WWOX: variants seen among roughly 807,000 people sequenced by gnomAD.
WWOX encodes the protein WW domain-containing oxidoreductase.
A neutral mutation model predicts 46.2 loss-of-function variants in WWOX; 69 were observed. The observed-to-expected ratio is 1.49, with a 90% CI of 1.23 to 1.82. The LOEUF (loss-of-function observed/expected upper bound fraction) is 1.82. WWOX is among the 40% of genes most tolerant of loss of function. The pLI, the probability that WWOX is intolerant of heterozygous loss-of-function variation, is 0.00. For missense variants in WWOX, 919 were observed against 542.6 expected (o/e 1.69, Z -6.89); for synonymous variants, 359 against 202.6 (o/e 1.77, Z -6.56).
At chr16:78,353,361 C>T (rs115599523) in intron 5 of WWOX, among the ~76,000 whole-genome samples, 3 of 152,236 alleles carry the variant, frequency 2.0e-5, no homozygotes, top group African/African-American at 7.2e-5. Flanking sequence ...GAACAGATGC[C>T]ACAGCTGGGC....
intron 8 of WWOX, among the ~76,000 whole-genome samples, chr16:79,134,409 G>C (rs1489968319): frequency 6.6e-6 from 1 of 152,146 alleles, no homozygotes; most frequent in East Asian, 1.9e-4. Flanking sequence ...TGTCTGCAAA[G>C]AGGCAGGGGC....
At chr16:78,882,642 C>T (rs1031207225) in intron 8 of WWOX, among the ~76,000 whole-genome samples, 16 of 151,726 alleles carry the variant, frequency 1.1e-4, no homozygotes, top group African/African-American at 3.9e-4. Context: ...TATGTGCTAC[C>T]GTGCCCAGCT....
intron 8 of WWOX, among the ~76,000 whole-genome samples, chr16:78,915,527 C>G (rs1382655670): frequency 6.6e-6 from 1 of 152,090 alleles, no homozygotes; most frequent in Non-Finnish European, 1.5e-5. Context: ...ATCAATGAGC[C>G]AAATGTTAGC....
chr16:78,394,868 G>T (rs59588849), intron 6 of WWOX, among the ~76,000 whole-genome samples: 2,211 of 152,286 alleles, frequency 0.015, 53 homozygotes, highest in African/African-American at 0.051. Flanking sequence ...GTGGGTGTTG[G>T]GGGTCAACTG....
chr16:79,055,799 T>C (rs1372762651), intron 8 of WWOX, among the ~76,000 whole-genome samples: 1 of 152,220 alleles, frequency 6.6e-6, no homozygotes, highest in African/African-American at 2.4e-5. Flanking sequence ...AAACAGTTTC[T>C]TCTTTCCTAA....
chr16:78,971,031 G>T (rs1302886259), intron 8 of WWOX, among the ~76,000 whole-genome samples: 1 of 151,972 alleles, frequency 6.6e-6, no homozygotes, highest in East Asian at 1.9e-4. Context: ...CAGCAGGAGA[G>T]CTCCTCACTC....
At chr16:78,556,404 G>C (rs1371664494) in intron 8 of WWOX, among the ~76,000 whole-genome samples, 2 of 152,204 alleles carry the variant, frequency 1.3e-5, no homozygotes, top group Admixed American at 6.5e-5. Flanking sequence ...GAGGAGCAGA[G>C]TTCTTCTGGT....
intron 8 of WWOX, among the ~76,000 whole-genome samples, chr16:78,588,306 A>G (rs1271510561): frequency 6.6e-6 from 1 of 152,174 alleles, no homozygotes; most frequent in Non-Finnish European, 1.5e-5. Flanking sequence ...GGTGCGGATA[A>G]TGGATAATCT....
intron 8 of WWOX, among the ~76,000 whole-genome samples, chr16:79,142,572 T>A (rs1360176595): frequency 1.3e-5 from 2 of 152,234 alleles, no homozygotes; most frequent in Non-Finnish European, 2.9e-5. Context: ...TTAGAGAGAA[T>A]TTTCAATTTC....
At chr16:78,766,264 T>C (rs927131747) in intron 8 of WWOX, among the ~76,000 whole-genome samples, 22 of 152,208 alleles carry the variant, frequency 1.4e-4, no homozygotes, top group African/African-American at 4.8e-4. Context: ...AAAGCCTTGC[T>C]CTTCGTCATC....
intron 8 of WWOX, among the ~76,000 whole-genome samples, chr16:78,822,012 G>A (rs924296010): frequency 6.6e-6 from 1 of 152,134 alleles, no homozygotes; most frequent in African/African-American, 2.4e-5. Flanking sequence ...GAGTAGGTAG[G>A]ACTATAGGCA....
At chr16:79,206,908 G>C in intron 8 of WWOX, among the ~76,000 whole-genome samples, 1 of 152,322 alleles carries the variant, frequency 6.6e-6, no homozygotes, top group Middle Eastern at 3.4e-3. Context: ...CTTGGATAGT[G>C]AGTAGGGAAC....
intron 8 of WWOX, among the ~76,000 whole-genome samples, chr16:78,768,379 G>A (rs2049978700): frequency 6.6e-6 from 1 of 150,514 alleles, no homozygotes; most frequent in Non-Finnish European, 1.5e-5. Flanking sequence ...CATCTGAGGT[G>A]AGGAGTTTGA....
chr16:78,804,120 G>T (rs1222321659), intron 8 of WWOX, among the ~76,000 whole-genome samples: 6 of 152,126 alleles, frequency 3.9e-5, no homozygotes, highest in African/African-American at 7.2e-5. Flanking sequence ...TGTGGCAGAT[G>T]GGTCAGATAG....
At chr16:78,123,456 T>TTTTTTTTTTTTTTTTTTTTTTTTTG (rs2033215930) in intron 4 of WWOX, 3 of 14,434 alleles carry the variant, frequency 2.1e-4, no homozygotes, top group Admixed American at 1.0e-3. Context: ...TTTTTTTTTG[T>TTTTTTTTTTTTTTTTTTTTTTTTTG]TTTTTTTTTT....
chr16:78,636,684 A>T (rs1295401061), intron 8 of WWOX, among the ~76,000 whole-genome samples: 2 of 152,182 alleles, frequency 1.3e-5, no homozygotes, highest in Non-Finnish European at 2.9e-5. Flanking sequence ...GTAAGTGCTC[A>T]CTTACTGAGG....
intron 8 of WWOX, among the ~76,000 whole-genome samples, chr16:78,900,192 T>G (rs1215991752): frequency 6.6e-6 from 1 of 151,722 alleles, no homozygotes; most frequent in Non-Finnish European, 1.5e-5. Flanking sequence ...GGTGTAAACC[T>G]TCATGCAGAC....
chr16:78,656,122 T>C (rs924047866), intron 8 of WWOX, among the ~76,000 whole-genome samples: 2 of 152,214 alleles, frequency 1.3e-5, no homozygotes, highest in African/African-American at 2.4e-5. Context: ...AAAATTATTA[T>C]GTCAACATGA....
At chr16:78,652,856 C>T (rs1363337512) in intron 8 of WWOX, among the ~76,000 whole-genome samples, 1 of 152,130 alleles carries the variant, frequency 6.6e-6, no homozygotes, top group Non-Finnish European at 1.5e-5. Flanking sequence ...TGGACCCAGG[C>T]ATAAAACGTG....
Sources: allele counts gnomAD v4.1 joint callset (sites outside exome capture counted in the v4.1 genomes callset), GRCh38; gene constraint gnomAD v4.1.1; transcripts MANE v1.5; gene names NCBI Gene and HGNC (gene_info 2026-07-23, HGNC 2026-07-21).